Variants in SUPT16H observed in about 807,000 individuals in gnomAD.
SUPT16H encodes FACT complex subunit SPT16.
SUPT16H carries 24 observed loss-of-function variants against 136.2 expected under a neutral mutation model. The ratio of observed to expected loss-of-function variants is 0.18; its 90% CI spans 0.13 to 0.25. SUPT16H has a LOEUF of 0.25. Ranked by LOEUF, SUPT16H falls within the 10% of genes least tolerant of loss-of-function variation. The pLI, the probability that SUPT16H is intolerant of heterozygous loss-of-function variation, is 1.00. For synonymous variants in SUPT16H, 415 were observed against 428.2 expected (o/e 0.97, Z 0.38); for missense variants, 623 against 1,270.2 (o/e 0.49, Z 7.74).
chr14:21,383,035 G>A (rs1039727652), intron 1 of SUPT16H: 3 of 152,164 alleles, frequency 2.0e-5, no homozygotes, highest in South Asian at 2.1e-4. Context: ...AGGGTTCAGG[G>A]GCAAGACTTA....
chr14:21,360,797 C>T, intron 17 of SUPT16H, 49 bp downstream of exon 17: 1 of 1,575,908 alleles, frequency 6.3e-7, no homozygotes, highest in Non-Finnish European at 8.6e-7. Context: ...TCATTCCTAA[C>T]AAATGTGCCC....
At chr14:21,376,989 C>T (rs1886915267) in intron 1 of SUPT16H, among the ~76,000 whole-genome samples, 1 of 149,600 alleles carries the variant, frequency 6.7e-6, no homozygotes, top group Non-Finnish European at 1.5e-5. Flanking sequence ...AGGAGAATCT[C>T]TTGAACCTGG....
Position 21,383,868 on chromosome 14 carries a change from A to G in SUPT16H, c.60T>C (p.Asn20=), listed in dbSNP as rs1256396485. ...YYRRVKRLYS[N]WRKGEDEYAN... The stretch of plus-strand genomic sequence containing the variant: ...ATTACAGGATCTTCCTCACCCGCCA[A>G]TTGCTGTACAGTCTCTTCACTCGCC... Residue 20 remains asparagine, a synonymous_variant, in exon 1 of 26, where the codon AAT becomes AAC. Transcript: ENST00000216297. 2 of 1,613,862 alleles carry G rather than the reference A, an allele frequency of 1.2e-6. No homozygotes were observed. The highest frequency in any genetic ancestry group is 1.7e-5 in the Admixed American group (1 of 60,018).
chr14:21,352,614 T>G lies in SUPT16H; in HGVS notation c.*59A>C. On this transcript the variant is annotated 3_prime_UTR_variant, in exon 26 of 26. Transcript: ENST00000216297. ...AAGGAAAAATACAGTTTCTATGTCA[T>G]GTAAAATTTTCAGGGGTTGGCTGGA... 2 of 1,607,572 alleles carry G rather than the reference T, an allele frequency of 1.2e-6. No homozygotes were observed. The highest frequency in any genetic ancestry group is 1.7e-6 in the Non-Finnish European group (2 of 1,178,134).
Position 21,366,336 on chromosome 14 carries a change from T to A in SUPT16H, c.1046+103A>T, listed in dbSNP as rs569309375. ...GCACATAGTATAGTTTGCTAGTCCA[T>A]AAATGTTGGCTGAATCAATCAATTA... On this transcript the variant is annotated intron_variant, in intron 8 of 25. Coordinates refer to ENST00000216297, the MANE Select transcript of SUPT16H (RefSeq NM_007192.4). 1.1e-5 allele frequency: 12 copies of A among 1,084,208 alleles called. No individual in the cohort carries two copies. The South Asian group carries it at 1.7e-4, about 15-fold the overall frequency. The allele number at this position is 1,084,208 out of a possible 1,614,324, so 67.2% of individuals were successfully genotyped here. A position where few individuals can be genotyped will look rare whatever the true frequency, so the allele number is the denominator to read the frequency against.
intron 1 of SUPT16H, chr14:21,383,590 C>T (rs940637861): frequency 1.3e-5 from 9 of 699,610 alleles, no homozygotes; most frequent in Non-Finnish European, 2.1e-5. Flanking sequence ...TCTTCTAGGG[C>T]GGGAAGAGAC....
At chr14:21,369,671 G>C (rs1566390164) in intron 5 of SUPT16H, 79 bp downstream of exon 5, 3 of 1,559,262 alleles carry the variant, frequency 1.9e-6, no homozygotes, top group Admixed American at 1.7e-5. Flanking sequence ...GGAAGCTGAA[G>C]AACACACCAA....
intron 17 of SUPT16H, 42 bp downstream of exon 17, chr14:21,360,804 G>A: frequency 6.3e-7 from 1 of 1,585,036 alleles, no homozygotes; most frequent in Admixed American, 1.9e-5. Context: ...TAACAAATGT[G>A]CCCTGAAGAG....
chr14:21,381,051 G>C (rs1279151082), intron 1 of SUPT16H, among the ~76,000 whole-genome samples: 7 of 151,880 alleles, frequency 4.6e-5, no homozygotes, highest in Non-Finnish European at 4.4e-5. Flanking sequence ...TCTGCTCTTA[G>C]CAGCTCTCAC....
chr14:21,360,430 C>T lies in SUPT16H; in HGVS notation c.2160G>A (p.Leu720=). The T allele has an allele frequency of 6.2e-7, 1 of 1,612,902 alleles. No homozygotes were observed. Among genetic ancestry groups the T allele is most frequent in the Non-Finnish European group, 8.5e-7 (1 of 1,179,160 alleles). ...AAAGGTATACCTTGAGGTGAAAGTGCAAGACAATAATCATTTCTCCATCAC... is the reference window on the plus strand; with the variant it reads ...AAAGGTATACCTTGAGGTGAAAGTGTAAGACAATAATCATTTCTCCATCAC... ...QPCDGEMIIV[L]HFHLKNAIMF... The change falls in exon 18 of 26, where the codon TTG becomes TTA. Residue 720 remains leucine (L), a synonymous_variant. Coordinates refer to ENST00000216297, the MANE Select transcript of SUPT16H (RefSeq NM_007192.4).
chr14:21,368,544 T>C lies in SUPT16H; in HGVS notation c.783-103A>G. ...ATAATCATTACTTTTCCCTGCCATA[T>C]CCCAAAGCTGTGGCTGAATAAGGAC... is the stretch of plus-strand genomic sequence containing the variant. On this transcript the variant is annotated intron_variant, in intron 6 of 25. Coordinates refer to ENST00000216297, the MANE Select transcript of SUPT16H (RefSeq NM_007192.4). 3.1e-6 allele frequency: 4 copies of C among 1,290,584 alleles called. No individual in the cohort carries two copies. In the Admixed American group the frequency reaches 1.1e-4, roughly 35 times the overall value. The allele number at this position is 1,290,584 out of a possible 1,614,324, so 79.9% of individuals were successfully genotyped here.
chr14:21,357,066 C>T, intron 22 of SUPT16H, 131 bp downstream of exon 22: 1 of 923,246 alleles, frequency 1.1e-6, no homozygotes. Flanking sequence ...TTTTCAAGTC[C>T]TGGTCTGTAA....
intron 2 of SUPT16H, among the ~76,000 whole-genome samples, chr14:21,373,105 G>A (rs1886822817): frequency 1.3e-5 from 2 of 151,968 alleles, no homozygotes; most frequent in Non-Finnish European, 2.9e-5. Context: ...CCCCACATCT[G>A]CTTAATTTTT....
rs955747166 is a variant in SUPT16H, at chr14:21,368,943, A to T, written c.782+261T>A. Among the ~76,000 whole-genome samples the T allele has an allele frequency of 8.5e-5, 13 of 152,284 alleles. No homozygotes were observed. The East Asian group carries it at 2.5e-3, about 29-fold the overall frequency. The stretch of plus-strand genomic sequence containing the variant: ...GTGTGTAGGGGGGCAGGCGAGGATG[A>T]AAAGAAGTGGGTTAAAAGGTACAAA... On this transcript the variant is annotated intron_variant, in intron 6 of 25. Transcript: ENST00000216297.
At chr14:21,360,242 G>A (rs1038666646) in intron 18 of SUPT16H, among the ~76,000 whole-genome samples, 173 bp downstream of exon 18, 15 of 152,020 alleles carry the variant, frequency 9.9e-5, no homozygotes, top group African/African-American at 3.6e-4. Flanking sequence ...TGGTCAGGCT[G>A]GTGTCGAACT....
intron 6 of SUPT16H, among the ~76,000 whole-genome samples, chr14:21,368,865 T>A (rs894927957): frequency 2.0e-5 from 3 of 151,980 alleles, no homozygotes; most frequent in Non-Finnish European, 4.4e-5. Flanking sequence ...AACTAAAAAA[T>A]TGGATTACAT....
At chr14:21,354,181 G>A (rs1421526317) in intron 23 of SUPT16H, among the ~76,000 whole-genome samples, 1 of 152,082 alleles carries the variant, frequency 6.6e-6, no homozygotes, top group East Asian at 1.9e-4. Flanking sequence ...TTCCCTAAAT[G>A]CTAAGAAACT....
chr14:21,362,143 A>G, intron 15 of SUPT16H, 54 bp downstream of exon 15: 5 of 1,560,604 alleles, frequency 3.2e-6, no homozygotes, highest in East Asian at 2.3e-5. Flanking sequence ...AATGTTTCTG[A>G]GAGTACCACT....
rs1204501303 is a variant in SUPT16H at position 21,363,409 on chromosome 14, CCTATA to C, written c.1299+24_1299+28del. ...TTTAACTTCTTTATATCCTAAACTT[CCTATA>C]CTACTTATCTATCTTCTTCCTACCT... On this transcript the variant is annotated intron_variant, in intron 11 of 25. Coordinates refer to ENST00000216297, the MANE Select transcript of SUPT16H (RefSeq NM_007192.4). The C allele has an allele frequency of 5.0e-6, 8 of 1,611,228 alleles. No homozygotes were observed. The African/African-American group carries it at 1.1e-4, about 22-fold the overall frequency.
Sources: gnomAD v4.1 joint callset for allele counts (sites outside exome capture counted in the v4.1 genomes callset) on GRCh38, gnomAD v4.1.1 for gene constraint, MANE v1.5 for transcripts, NCBI Gene and HGNC (gene_info 2026-07-23, HGNC 2026-07-21) for gene names.